The following MEF2C variants were observed in gnomAD, a reference collection of about 807,000 sequenced individuals.
MEF2C encodes myocyte enhancer factor 2C, also known as myocyte-specific enhancer factor 2C.
Under a neutral mutation model 50.5 loss-of-function variants are expected in MEF2C, and 6 were observed. That is an observed-to-expected ratio of 0.12 (90% confidence interval 0.07 to 0.23). MEF2C has a LOEUF of 0.23. Ranked by LOEUF, MEF2C falls within the 10% of genes least tolerant of loss-of-function variation. The probability of loss-of-function intolerance (pLI) is 1.00; values close to 1 mark genes in which losing one functional copy is unlikely to be tolerated. For missense variants in MEF2C, 276 were observed against 605.0 expected, an observed-to-expected ratio of 0.46 and a Z score of 5.70; for synonymous variants, 183 against 228.0, an observed-to-expected ratio of 0.80 and a Z score of 1.78.
At chr5:88,794,572 T>C (rs1399898882) in intron 3 of MEF2C, among the ~76,000 whole-genome samples, 2 of 152,186 alleles carry the variant, frequency 1.3e-5, no homozygotes, top group African/African-American at 4.8e-5. Flanking sequence ...TTGCACAAAT[T>C]TTCTTCCATT....
intron 1 of MEF2C, among the ~76,000 whole-genome samples, chr5:88,831,919 T>G (rs1410128814): frequency 6.6e-6 from 1 of 152,140 alleles, no homozygotes; most frequent in African/African-American, 2.4e-5. Context: ...AATCATTAAA[T>G]GATCCCAACT....
chr5:88,769,355 C>T (rs1035507628), intron 3 of MEF2C, among the ~76,000 whole-genome samples: 14 of 152,094 alleles, frequency 9.2e-5, no homozygotes, highest in African/African-American at 3.4e-4. Flanking sequence ...CAGGGTGATT[C>T]TGGGGCCAAT....
At chr5:88,900,146 A>G (rs879447264) in intron 1 of MEF2C, among the ~76,000 whole-genome samples, 2 of 152,044 alleles carry the variant, frequency 1.3e-5, no homozygotes, top group South Asian at 2.1e-4. Context: ...CCAGAAGACA[A>G]ATATTTGGCT....
intron 3 of MEF2C, among the ~76,000 whole-genome samples, chr5:88,787,791 A>G (rs1791692381): frequency 6.6e-6 from 1 of 152,222 alleles, no homozygotes; most frequent in Non-Finnish European, 1.5e-5. Context: ...GTGTGCACGC[A>G]TGATCTTTTC....
chr5:88,789,561 TA>T (rs1792743937), intron 3 of MEF2C, among the ~76,000 whole-genome samples: 1 of 152,206 alleles, frequency 6.6e-6, no homozygotes, highest in Non-Finnish European at 1.5e-5. Context: ...ACAGTAGCTC[TA>T]AATAGTTATT....
chr5:88,791,706 T>C (rs536958983), intron 3 of MEF2C, among the ~76,000 whole-genome samples: 55 of 152,228 alleles, frequency 3.6e-4, no homozygotes, highest in African/African-American at 8.7e-4. Flanking sequence ...TTATGAGAAA[T>C]ATGAATACAT....
At chr5:88,811,476 A>G (rs533611656) in intron 2 of MEF2C, among the ~76,000 whole-genome samples, 4 of 152,146 alleles carry the variant, frequency 2.6e-5, no homozygotes, top group Non-Finnish European at 5.9e-5. Flanking sequence ...AAGTTGGACT[A>G]GAGACCTTTA....
At chr5:88,810,485 A>G (rs1016974313) in intron 2 of MEF2C, among the ~76,000 whole-genome samples, 3 of 151,992 alleles carry the variant, frequency 2.0e-5, no homozygotes, top group Admixed American at 6.6e-5. Flanking sequence ...ATCACAGGAT[A>G]CAGAAAGAAT....
At chr5:88,766,869 C>T (rs1780286529) in intron 3 of MEF2C, 1 of 964,440 alleles carries the variant, frequency 1.0e-6, no homozygotes, top group Non-Finnish European at 1.2e-6. Flanking sequence ...AAGGTAGTTT[C>T]CTTTCCTCTG....
At chr5:88,861,057 C>T (rs1825338910) in intron 1 of MEF2C, among the ~76,000 whole-genome samples, 1 of 152,078 alleles carries the variant, frequency 6.6e-6, no homozygotes, top group Non-Finnish European at 1.5e-5. Flanking sequence ...TGAAAAAAAG[C>T]AGGATTCTAT....
chr5:88,781,742 C>T (rs536792959), intron 3 of MEF2C, among the ~76,000 whole-genome samples: 15 of 152,278 alleles, frequency 9.9e-5, no homozygotes, highest in African/African-American at 3.6e-4. Context: ...GAAGCCGAGG[C>T]AAGCGGACCA....
intron 3 of MEF2C, among the ~76,000 whole-genome samples, chr5:88,795,097 T>C (rs1178776244): frequency 1.3e-5 from 2 of 152,216 alleles, no homozygotes; most frequent in Non-Finnish European, 2.9e-5. Context: ...GCTTTGGTCT[T>C]TTTGCTTAGC....
intron 1 of MEF2C, among the ~76,000 whole-genome samples, chr5:88,869,252 C>CATATATATATATATGTAT (rs1828405301): frequency 2.2e-5 from 2 of 89,996 alleles, no homozygotes; most frequent in Non-Finnish European, 4.4e-5. Flanking sequence ...AACTAGTTTT[C>CATATATATATATATGTAT]ATATATATAT....
At position 88,771,344 on chromosome 5, in the gene MEF2C, C is replaced by T. The variant is rs140035425; in HGVS notation, c.259-10016G>A. 1.5e-3 allele frequency: 1,060 copies of T among 720,266 alleles called. 9 individuals are homozygous for T. The African/African-American group carries it at 0.02, about 13-fold the overall frequency. The allele number at this position is 720,266 out of a possible 1,614,324, so 44.6% of individuals were successfully genotyped here. On this transcript the variant is annotated intron_variant, in intron 3 of 10. Transcript: ENST00000504921. Reference sequence around the variant, plus strand: ...CGCCATTCCATCCTTCCTAGAATATCCTTATTTACTCCTCCTCTCAGTTAC... The same window carrying T: ...CGCCATTCCATCCTTCCTAGAATATTCTTATTTACTCCTCCTCTCAGTTAC...
chr5:88,895,982 C>T (rs1561497678), intron 1 of MEF2C, among the ~76,000 whole-genome samples: 1 of 152,140 alleles, frequency 6.6e-6, no homozygotes, highest in Non-Finnish European at 1.5e-5. Context: ...AGATACCCTG[C>T]TGTGTTGGTC....
chr5:88,779,464 T>C (rs370939425), intron 3 of MEF2C, among the ~76,000 whole-genome samples: 11 of 152,244 alleles, frequency 7.2e-5, no homozygotes, highest in African/African-American at 2.4e-4. Context: ...AGCAGATAGA[T>C]AGAAATCAAT....
rs1201927118 is a variant in MEF2C at position 88,731,861 on chromosome 5, C to T, written c.678G>A (p.Leu226=). The part of the protein sequence containing the change: ...YGNPRNSPGL[L]VSPGNLNKNM... Reference sequence around the variant, plus strand: ...TCTTGTTCAAGTTACCAGGTGAGACCAGCAGACCTGGTGAGTTTCGGGGAT... The same window carrying T: ...TCTTGTTCAAGTTACCAGGTGAGACTAGCAGACCTGGTGAGTTTCGGGGAT... Residue 226 remains leucine (L), a synonymous_variant, in exon 7 of 11, where the codon CTG becomes CTA. Coordinates refer to ENST00000504921, the MANE Select transcript of MEF2C (RefSeq NM_002397.5). The T allele has an allele frequency of 6.2e-7, 1 of 1,612,978 alleles. No homozygotes were observed. The highest frequency in any genetic ancestry group is 2.2e-5 in the East Asian group (1 of 44,876).
chr5:88,775,478 A>G (rs536611556), intron 3 of MEF2C, among the ~76,000 whole-genome samples: 2 of 152,360 alleles, frequency 1.3e-5, no homozygotes, highest in African/African-American at 4.8e-5. Flanking sequence ...ATAATTCATA[A>G]GAAATATTTT....
At chr5:88,798,797 G>C (rs1352240644) in intron 3 of MEF2C, among the ~76,000 whole-genome samples, 1 of 152,154 alleles carries the variant, frequency 6.6e-6, no homozygotes, top group East Asian at 1.9e-4. Context: ...TTTGGTCTTT[G>C]ATGCTGGTGA....
Sources: gnomAD v4.1 joint callset for allele counts (sites outside exome capture counted in the v4.1 genomes callset) on GRCh38, gnomAD v4.1.1 for gene constraint, MANE v1.5 for transcripts, NCBI Gene and HGNC (gene_info 2026-07-23, HGNC 2026-07-21) for gene names.